The following LRBA variants were observed in gnomAD, a reference collection of about 807,000 sequenced individuals.
LRBA encodes the protein LPS responsive beige-like anchor protein, also known as lipopolysaccharide-responsive and beige-like anchor protein.
LRBA carries 176 observed loss-of-function variants against 330.0 expected under a neutral mutation model. That is an observed-to-expected ratio of 0.53 (90% CI 0.47 to 0.60). The LOEUF is 0.60. LRBA is among the 20% of genes least tolerant of loss of function. The pLI, the probability that LRBA is intolerant of heterozygous loss-of-function variation, is 0.00. For missense variants in LRBA, 3,259 were observed against 3,444.8 expected (o/e 0.95, Z 1.35); for synonymous variants, 1,230 against 1,193.0 (o/e 1.03, Z -0.64).
chr4:150,559,361 G>A (rs576007630), intron 40 of LRBA, among the ~76,000 whole-genome samples: 5 of 151,138 alleles, frequency 3.3e-5, no homozygotes, highest in Non-Finnish European at 5.9e-5. Flanking sequence ...AAGAGATTGA[G>A]ACCATCCTGG....
intron 34 of LRBA, among the ~76,000 whole-genome samples, chr4:150,775,606 A>C (rs190764727): frequency 6.6e-6 from 1 of 152,128 alleles, no homozygotes; most frequent in East Asian, 1.9e-4. Flanking sequence ...ACCAGACTAG[A>C]TTGGAATAGG....
intron 2 of LRBA, among the ~76,000 whole-genome samples, chr4:150,999,826 C>T (rs1231942407): frequency 6.6e-6 from 1 of 152,146 alleles, no homozygotes; most frequent in Middle Eastern, 3.2e-3. Context: ...AAGTACTCTT[C>T]TAGGGGCTAG....
chr4:150,895,064 ATATT>A (rs1729913403), intron 16 of LRBA, among the ~76,000 whole-genome samples: 1 of 152,224 alleles, frequency 6.6e-6, no homozygotes, highest in African/African-American at 2.4e-5. Context: ...ATTCTAAAAT[ATATT>A]TATTAATTCA....
chr4:150,834,281 T>G (rs1329314548), intron 28 of LRBA, among the ~76,000 whole-genome samples: 7 of 152,200 alleles, frequency 4.6e-5, no homozygotes, highest in African/African-American at 1.7e-4. Flanking sequence ...TCCATTTACT[T>G]TGCCCAGATC....
intron 44 of LRBA, among the ~76,000 whole-genome samples, chr4:150,443,376 C>A (rs1442939349): frequency 2.0e-5 from 3 of 152,134 alleles, no homozygotes; most frequent in African/African-American, 7.2e-5. Flanking sequence ...ATAAATCATG[C>A]TGCTATAAAG....
At chr4:150,513,398 T>C (rs1762027963) in intron 40 of LRBA, among the ~76,000 whole-genome samples, 1 of 152,156 alleles carries the variant, frequency 6.6e-6, no homozygotes, top group East Asian at 1.9e-4. Flanking sequence ...TTACTGCCCA[T>C]TGTAAAAATT....
intron 2 of LRBA, among the ~76,000 whole-genome samples, chr4:150,963,439 G>C (rs1435507747): frequency 6.7e-6 from 1 of 149,560 alleles, no homozygotes; most frequent in Non-Finnish European, 1.5e-5. Flanking sequence ...TGCCGGCCTC[G>C]GCCTCCTGAG....
intron 35 of LRBA, among the ~76,000 whole-genome samples, chr4:150,739,953 G>C (rs1183001019): frequency 1.3e-5 from 2 of 152,172 alleles, no homozygotes; most frequent in Non-Finnish European, 2.9e-5. Flanking sequence ...GCCCAGCTAA[G>C]CCATGCCTAG....
chr4:150,351,694 A>C (rs543717971), intron 47 of LRBA, among the ~76,000 whole-genome samples: 5 of 152,246 alleles, frequency 3.3e-5, no homozygotes, highest in South Asian at 4.2e-4. Context: ...GTCTCAAAAA[A>C]CAAAACAAAA....
chr4:150,994,731 G>A (rs145170900), intron 2 of LRBA, among the ~76,000 whole-genome samples: 2 of 152,306 alleles, frequency 1.3e-5, no homozygotes, highest in East Asian at 3.9e-4. Flanking sequence ...CAGAGAACTG[G>A]GGGAAGAAAT....
chr4:150,988,768 A>G (rs565345439), intron 2 of LRBA, among the ~76,000 whole-genome samples: 2 of 152,166 alleles, frequency 1.3e-5, no homozygotes, highest in Non-Finnish European at 2.9e-5. Context: ...CAGTAGAGAC[A>G]GGGTTTTCCC....
chr4:150,622,688 C>CTTTTTTTTTTTTTTTTTTTTTTTTT (rs10528461), intron 37 of LRBA, among the ~76,000 whole-genome samples: 1 of 105,662 alleles, frequency 9.5e-6, no homozygotes, highest in African/African-American at 4.2e-5. Flanking sequence ...CTAAATCAAT[C>CTTTTTTTTTTTTTTTTTTTTTTTTT]TTTTTTTTTT....
rs1783277662 is a variant in LRBA, at chr4:150,683,898, C to T, written c.5755-181G>A. 1.1e-5 allele frequency: 6 copies of T among 544,852 alleles called. No individual in the cohort carries two copies. In the East Asian group the frequency reaches 1.5e-4, roughly 13 times the overall value. 33.8% of individuals were successfully genotyped at this position (544,852 alleles called of 1,614,324 possible). A position where few individuals can be genotyped will look rare whatever the true frequency, so the allele number is the denominator to read the frequency against. ...CAATAAAACATCCCACAAGAATTTACTTCTGTGAAGTCAATCATGAGATAC... is the reference window on the plus strand; with the variant it reads ...CAATAAAACATCCCACAAGAATTTATTTCTGTGAAGTCAATCATGAGATAC... On this transcript the variant is annotated intron_variant, in intron 36 of 56. Transcript: ENST00000651943.
At chr4:150,432,453 C>CTT (rs35393002) in intron 46 of LRBA, among the ~76,000 whole-genome samples, 22,305 of 96,006 alleles carry the variant, frequency 0.23, 5,021 homozygotes, top group South Asian at 0.33. Context: ...TAAGTGTGTT[C>CTT]TTTTTTTTTT....
chr4:150,476,816 G>A (rs929216783), intron 42 of LRBA, among the ~76,000 whole-genome samples: 2 of 152,170 alleles, frequency 1.3e-5, no homozygotes, highest in African/African-American at 2.4e-5. Context: ...TGGTATCTGT[G>A]TGTATATGCT....
intron 34 of LRBA, among the ~76,000 whole-genome samples, chr4:150,768,461 T>G (rs1467246847): frequency 6.6e-6 from 1 of 152,198 alleles, no homozygotes; most frequent in African/African-American, 2.4e-5. Context: ...CATTGGAAGT[T>G]TATTTTCCAG....
At chr4:150,639,350 T>TA (rs1778265311) in intron 37 of LRBA, among the ~76,000 whole-genome samples, 1 of 40,412 alleles carries the variant, frequency 2.5e-5, no homozygotes. Flanking sequence ...CCCTAAAACT[T>TA]AAAGTATAAT....
chr4:150,569,979 G>T (rs1290252429), intron 40 of LRBA, among the ~76,000 whole-genome samples: 2 of 152,060 alleles, frequency 1.3e-5, no homozygotes, highest in Admixed American at 6.6e-5. Flanking sequence ...TTATTGTTTT[G>T]CACTGTCACT....
At chr4:150,821,304 AACTC>A (rs1441187281) in intron 30 of LRBA, among the ~76,000 whole-genome samples, 2 of 152,110 alleles carry the variant, frequency 1.3e-5, no homozygotes, top group Non-Finnish European at 2.9e-5. Flanking sequence ...TTTCTTTATG[AACTC>A]ACTATGAATA....
Sources: allele counts gnomAD v4.1 joint callset (sites outside exome capture counted in the v4.1 genomes callset), GRCh38; gene constraint gnomAD v4.1.1; transcripts MANE v1.5; gene names NCBI Gene and HGNC (gene_info 2026-07-23, HGNC 2026-07-21).